Variants in LPXN observed in about 807,000 individuals in gnomAD.
LPXN encodes leupaxin.
Under a neutral mutation model 45.6 loss-of-function variants are expected in LPXN, and 28 were observed. The ratio of observed to expected loss-of-function variants is 0.61; its 90% confidence interval spans 0.45 to 0.84. The LOEUF (loss-of-function observed/expected upper bound fraction) is 0.84, where lower values mean the gene tolerates loss of function less well. LPXN is among the 40% of genes least tolerant of loss of function. LPXN has a pLI of 0.00. For synonymous variants in LPXN, 166 were observed against 169.9 expected (o/e 0.98, Z 0.18); for missense variants, 459 against 475.0 (o/e 0.97, Z 0.31).
intron 2 of LPXN, among the ~76,000 whole-genome samples, chr11:58,567,653 G>A (rs1178899530): frequency 1.3e-5 from 2 of 152,164 alleles, no homozygotes; most frequent in African/African-American, 4.8e-5. Context: ...TATTAACTTT[G>A]GAAATAGATG....
chr11:58,578,166 T>A, upstream of LPXN: 1 of 1,343,518 alleles, frequency 7.4e-7, no homozygotes, highest in Non-Finnish European at 1.0e-6. Flanking sequence ...TAAGAAAAAG[T>A]AGGAAAAACC....
At chr11:58,560,234 C>A (rs1483189782) in intron 3 of LPXN, among the ~76,000 whole-genome samples, 7 of 152,152 alleles carry the variant, frequency 4.6e-5, no homozygotes, top group Admixed American at 1.3e-4. Context: ...ATCAGTAATG[C>A]AATTCACCTG....
Position 58,570,573 on chromosome 11 carries a change from T to G in LPXN, c.154A>C (p.Asn52His). The G allele has an allele frequency of 6.2e-7, 1 of 1,612,310 alleles. No homozygotes were observed. Among genetic ancestry groups the G allele is most frequent in the Non-Finnish European group, 8.5e-7 (1 of 1,179,320 alleles). Reference sequence around the variant, plus strand: ...AAATTTACCGGCAAGGGACTTGTGTTATCCTGAATAGAAAGGATCTCCGAA... The same window carrying G: ...AAATTTACCGGCAAGGGACTTGTGTGATCCTGAATAGAAAGGATCTCCGAA... ...ETSEILSIQDNTSPLPAQLVY... is the reference protein window; with the variant it reads ...ETSEILSIQDHTSPLPAQLVY... Residue 52 changes from asparagine to histidine, a missense_variant, in exon 2 of 9, where the codon AAC (asparagine) becomes CAC (histidine). Transcript: ENST00000395074.
intron 3 of LPXN, among the ~76,000 whole-genome samples, chr11:58,561,575 C>T (rs543955894): frequency 1.2e-4 from 19 of 152,308 alleles, no homozygotes; most frequent in Admixed American, 5.2e-4. Context: ...ATAATCCTTT[C>T]GTAGCTGCTG....
In LPXN at chr11:58,564,160, G is replaced by A; in HGVS notation, c.213C>T (p.Val71=). 6.3e-7 allele frequency: 1 copy of A among 1,592,286 alleles called. No individual in the cohort carries two copies. The highest frequency in any genetic ancestry group is 8.6e-7 in the Non-Finnish European group (1 of 1,165,220). The stretch of plus-strand genomic sequence containing the variant: ...TTTAATAGAAAAAAAAATACCTGTA[G>A]ACATTGAGCTCCTGGATATTGGTAG... ...VYTTNIQELN[V]YSEAQEPKES... The change falls in exon 3 of 9, where the codon GTC becomes GTT. Residue 71 remains valine, a synonymous_variant. Transcript: ENST00000395074.
At chr11:58,550,785 C>T (rs758272827) in intron 5 of LPXN, among the ~76,000 whole-genome samples, 9 of 152,126 alleles carry the variant, frequency 5.9e-5, no homozygotes, top group Non-Finnish European at 1.2e-4. Flanking sequence ...CAGATCTTAC[C>T]TCTACCTCTT....
At chr11:58,578,277 C>G (rs1253954375), upstream of LPXN, 1 of 465,364 alleles carries the variant, frequency 2.1e-6, no homozygotes, top group African/African-American at 2.0e-5. Flanking sequence ...AAGGTAAACT[C>G]TAGACTGCGG....
At chr11:58,555,768 GCACA>G (rs5792108) in intron 3 of LPXN, among the ~76,000 whole-genome samples, 29,990 of 149,234 alleles carry the variant, frequency 0.2, 3,148 homozygotes, top group Middle Eastern at 0.3. Context: ...TCACACACAT[GCACA>G]CACACACACA....
chr11:58,533,118 T>C (rs951258347), intron 7 of LPXN, among the ~76,000 whole-genome samples: 3 of 152,028 alleles, frequency 2.0e-5, no homozygotes, highest in African/African-American at 7.3e-5. Context: ...TCCGAACATG[T>C]CTGAACATCA....
At chr11:58,536,678 G>A (rs981624133) in intron 7 of LPXN, among the ~76,000 whole-genome samples, 7 of 152,064 alleles carry the variant, frequency 4.6e-5, no homozygotes, top group South Asian at 2.1e-4. Flanking sequence ...TTAAATTAAA[G>A]AGCTTCTGCA....
At chr11:58,544,184 ACCGTAAGT>A (rs1853814078) in intron 7 of LPXN, among the ~76,000 whole-genome samples, 2 of 152,324 alleles carry the variant, frequency 1.3e-5, no homozygotes, top group South Asian at 4.1e-4. Context: ...GAAACTGAAT[ACCGTAAGT>A]CCTACTATTT....
intron 7 of LPXN, among the ~76,000 whole-genome samples, chr11:58,532,333 C>G (rs776259848): frequency 6.6e-6 from 1 of 152,252 alleles, no homozygotes; most frequent in East Asian, 1.9e-4. Flanking sequence ...TGTGGGCGCA[C>G]GGCACGAGAC....
At chr11:58,527,854 C>A in intron 8 of LPXN, 131 bp from the exon 9 acceptor site, 1 of 1,133,658 alleles carries the variant, frequency 8.8e-7, no homozygotes, top group Non-Finnish European at 1.2e-6. Context: ...AGGTTCTTGA[C>A]AAATGGAGAC....
intron 1 of LPXN, among the ~76,000 whole-genome samples, chr11:58,574,467 T>G (rs2134365463): frequency 6.6e-6 from 1 of 152,308 alleles, no homozygotes; most frequent in East Asian, 1.9e-4. Flanking sequence ...CTAAAATGAT[T>G]AACATATGTA....
chr11:58,569,192 A>G (rs557894231), intron 2 of LPXN, among the ~76,000 whole-genome samples: 1 of 152,340 alleles, frequency 6.6e-6, no homozygotes, highest in East Asian at 1.9e-4. Flanking sequence ...TCAAAATATC[A>G]TAGTACAAAA....
intron 2 of LPXN, among the ~76,000 whole-genome samples, chr11:58,570,343 A>T (rs1232382675): frequency 6.6e-6 from 1 of 151,644 alleles, no homozygotes; most frequent in Non-Finnish European, 1.5e-5. Context: ...AAAAATAAAA[A>T]AAATTTAGTT....
intron 1 of LPXN, among the ~76,000 whole-genome samples, chr11:58,573,287 G>C (rs753982591): frequency 6.6e-6 from 1 of 150,526 alleles, no homozygotes; most frequent in Non-Finnish European, 1.5e-5. Flanking sequence ...AAAAAGAAAA[G>C]AAAACTAAGG....
At position 58,552,251 on chromosome 11, in the gene LPXN, T is replaced by C. The variant is rs983528478; in HGVS notation, c.319-1019A>G. On this transcript the variant is annotated intron_variant, in intron 4 of 8. Transcript: ENST00000395074. ...TGGTCAGATAAGACTTGTTGATGGA[T>C]TGGAATTATTTAAGCAAAAGCCCAA... Among the ~76,000 whole-genome samples, 7 of 152,048 alleles carry C rather than the reference T, an allele frequency of 4.6e-5. No homozygotes were observed. The East Asian group carries it at 5.8e-4, about 13-fold the overall frequency.
upstream of LPXN, among the ~76,000 whole-genome samples, chr11:58,576,614 C>G (rs888460954): frequency 6.6e-6 from 1 of 152,184 alleles, no homozygotes; most frequent in Non-Finnish European, 1.5e-5. Flanking sequence ...AAAAGCAATA[C>G]GTAAGGAACT....
Sources: allele counts gnomAD v4.1 joint callset (sites outside exome capture counted in the v4.1 genomes callset), GRCh38; gene constraint gnomAD v4.1.1; transcripts MANE v1.5; gene names NCBI Gene and HGNC (gene_info 2026-07-23, HGNC 2026-07-21).